The following TMBIM4 variants were observed in gnomAD, a reference collection of about 807,000 sequenced individuals.
TMBIM4 encodes the protein protein lifeguard 4.
In TMBIM4, 28 loss-of-function variants were observed where a neutral mutation model predicts 27.7. The ratio of observed to expected loss-of-function variants is 1.01; its 90% CI spans 0.75 to 1.38. TMBIM4 has a LOEUF of 1.38. TMBIM4 is among the 40% of genes most tolerant of loss of function. TMBIM4 has a pLI of 0.00. For synonymous variants in TMBIM4, 115 were observed against 113.1 expected (o/e 1.02, Z -0.11); for missense variants, 265 against 277.5 (o/e 0.95, Z 0.32).
intron 1 of TMBIM4, among the ~76,000 whole-genome samples, chr12:66,156,442 CT>C (rs1320834465): frequency 1.3e-5 from 2 of 152,186 alleles, no homozygotes; most frequent in Non-Finnish European, 2.9e-5. Flanking sequence ...GTATCTGCCT[CT>C]TTTGGTCTCC....
At chr12:66,147,200 C>A (rs1592539319) in intron 4 of TMBIM4, among the ~76,000 whole-genome samples, 1 of 151,682 alleles carries the variant, frequency 6.6e-6, no homozygotes, top group Admixed American at 6.6e-5. Context: ...ACAAAACTGG[C>A]ATAGAAAGGT....
chr12:66,146,052 T>C, intron 4 of TMBIM4, 94 bp from the exon 5 acceptor site: 1 of 614,678 alleles, frequency 1.6e-6, no homozygotes, highest in Non-Finnish European at 2.9e-6. Flanking sequence ...CATTTTCTCC[T>C]GTACTTTATG....
intron 5 of TMBIM4, among the ~76,000 whole-genome samples, chr12:66,142,576 T>C (rs946971600): frequency 6.6e-6 from 1 of 151,886 alleles, no homozygotes; most frequent in African/African-American, 2.4e-5. Context: ...CAGTGGGTTG[T>C]GTTACAAGAG....
In TMBIM4 at chr12:66,153,448, G is replaced by C. The variant is rs754293050; in HGVS notation, c.98C>G (p.Ala33Gly). ...VASATVHIRMAFLRKVYSILS... is the reference protein window; with the variant it reads ...VASATVHIRMGFLRKVYSILS... ...AATGCTGTAGACTTTTCTCAGAAAG[G>C]CTAAAAGAGAAAAAAAATTACATTA... Residue 33 changes from alanine (A) to glycine (G), a missense_variant and splice_region_variant, in exon 2 of 7, where the codon GCC becomes GGC. By Grantham distance (60) the Ala-to-Gly change is moderately conservative. Transcript: ENST00000358230. 16 of 1,528,942 alleles carry C rather than the reference G, an allele frequency of 1.0e-5. No individual in the cohort carries two copies. The highest frequency in any genetic ancestry group is 1.4e-5 in the African/African-American group (1 of 71,268). The allele number at this position is 1,528,942 out of a possible 1,614,324, so 94.7% of individuals were successfully genotyped here. A position where few individuals can be genotyped will look rare whatever the true frequency, so the allele number is the denominator to read the frequency against.
chr12:66,157,633 GA>G (rs1592549573), intron 1 of TMBIM4, among the ~76,000 whole-genome samples: 2 of 152,194 alleles, frequency 1.3e-5, no homozygotes, highest in East Asian at 3.9e-4. Flanking sequence ...GCAGATCTGT[GA>G]GATGAAGGCT....
At chr12:66,162,070 A>T (rs1331845086) in intron 1 of TMBIM4, among the ~76,000 whole-genome samples, 1 of 133,532 alleles carries the variant, frequency 7.5e-6, no homozygotes, top group African/African-American at 2.9e-5. Context: ...CTATTCCCCA[A>T]CATCACTAAA....
intron 1 of TMBIM4, among the ~76,000 whole-genome samples, chr12:66,168,526 T>C (rs185101735): frequency 2.1e-4 from 32 of 152,340 alleles, no homozygotes; most frequent in Admixed American, 2.0e-3. Context: ...TCTCGGTATA[T>C]AGTGAACTAT....
chr12:66,147,583 G>A lies in TMBIM4; in HGVS notation c.346+325C>T, dbSNP rs190603499. Among the ~76,000 whole-genome samples, 369 of 152,312 alleles carry A rather than the reference G, an allele frequency of 2.4e-3. 2 individuals are homozygous for A. The highest frequency in any genetic ancestry group is 8.7e-3 in the African/African-American group (360 of 41,580). ...ACATATGATCAAAGTACGTGGCTCA[G>A]AACACATGTTCTCAGTTACTTGATG... On this transcript the variant is annotated intron_variant, in intron 4 of 6. Coordinates refer to ENST00000358230, the MANE Select transcript of TMBIM4 (RefSeq NM_016056.4).
rs927869561 is a variant in TMBIM4 at position 66,136,131 on chromosome 12, T to G, written c.*1829A>C. ...ATTAATACCATCAGCTGACATTAAT[T>G]AAGCACTTAGTTTAGTTTATTTATC... On this transcript the variant is annotated 3_prime_UTR_variant, in exon 7 of 7. Transcript: ENST00000358230. 1 of 148,254 alleles carries G rather than the reference T, an allele frequency of 6.7e-6. No homozygotes were observed. Among genetic ancestry groups the G allele is most frequent in the South Asian group, 2.2e-4 (1 of 4,628 alleles). The allele number at this position is 148,254 out of a possible 1,614,324, so 9.2% of individuals were successfully genotyped here.
intron 2 of TMBIM4, among the ~76,000 whole-genome samples, chr12:66,152,908 T>TTAA (rs1419614395): frequency 6.6e-6 from 1 of 151,896 alleles, no homozygotes; most frequent in Non-Finnish European, 1.5e-5. Flanking sequence ...TCATCCCTGA[T>TTAA]TAAAGATCAG....
At position 66,137,659 on chromosome 12, in the gene TMBIM4, G is replaced by A. The variant is rs1310720404; in HGVS notation, c.*301C>T. The A allele has an allele frequency of 3.5e-6, 1 of 289,376 alleles. No homozygotes were observed. The highest frequency in any genetic ancestry group is 6.7e-6 in the Non-Finnish European group (1 of 149,816). 17.9% of individuals were successfully genotyped at this position (289,376 alleles called of 1,614,324 possible). A position where few individuals can be genotyped will look rare whatever the true frequency, so the allele number is the denominator to read the frequency against. ...TCCACCTGCCTCGGTCTCCCAAAGTGGTGGGATTACAGGCGTGAGCCACTG... is the reference window on the plus strand; with the variant it reads ...TCCACCTGCCTCGGTCTCCCAAAGTAGTGGGATTACAGGCGTGAGCCACTG... On this transcript the variant is annotated 3_prime_UTR_variant, in exon 7 of 7. Coordinates refer to ENST00000358230, the MANE Select transcript of TMBIM4 (RefSeq NM_016056.4).
At chr12:66,141,276 T>C (rs2051664141) in intron 5 of TMBIM4, among the ~76,000 whole-genome samples, 1 of 152,114 alleles carries the variant, frequency 6.6e-6, no homozygotes, top group Admixed American at 6.5e-5. Flanking sequence ...AATAATGTAT[T>C]ATGGAGTTTA....
chr12:66,161,937 T>G (rs1592554384), intron 1 of TMBIM4, among the ~76,000 whole-genome samples: 2 of 152,300 alleles, frequency 1.3e-5, no homozygotes, highest in South Asian at 4.1e-4. Flanking sequence ...ACTATGCCTC[T>G]TTTACGGATA....
intron 3 of TMBIM4, among the ~76,000 whole-genome samples, chr12:66,149,484 G>T (rs531003830): frequency 3.8e-4 from 56 of 147,556 alleles, no homozygotes; most frequent in African/African-American, 9.4e-4. Context: ...AAATTTTTTT[G>T]GGGGGGGCAG....
In TMBIM4 at chr12:66,152,316, T is replaced by A. The variant is rs1447126173; in HGVS notation, c.267A>T (p.Leu89Phe). 1.7e-5 allele frequency: 27 copies of A among 1,610,398 alleles called. No individual in the cohort carries two copies. The highest frequency in any genetic ancestry group is 2.1e-5 in the Non-Finnish European group (25 of 1,177,862). The change falls in exon 3 of 7, where the codon TTA (leucine) becomes TTT (phenylalanine). Residue 89 changes from leucine to phenylalanine, a missense_variant. Leu to Phe is a conservative substitution (Grantham distance 22, BLOSUM62 0). Coordinates refer to ENST00000358230, the MANE Select transcript of TMBIM4 (RefSeq NM_016056.4). ...GSLGLIFALI[L>F]NRHKYPLNLY... is the part of the protein sequence containing the mutation. Reference sequence around the variant, plus strand: ...GGTTAAGGGGATACTTATGTCTGTTTAAAATCAACGCAAAAATCAAACCCA... The same window carrying A: ...GGTTAAGGGGATACTTATGTCTGTTAAAAATCAACGCAAAAATCAAACCCA...
chr12:66,138,147 A>T lies in TMBIM4; in HGVS notation c.530T>A (p.Ile177Lys). 1 of 1,611,814 alleles carries T rather than the reference A, an allele frequency of 6.2e-7. No homozygotes were observed. Among genetic ancestry groups the T allele is most frequent in the Non-Finnish European group, 8.5e-7 (1 of 1,179,408 alleles). The change falls in exon 7 of 7, where the codon ATA (isoleucine) becomes AAA (lysine). Residue 177 changes from isoleucine (I) to lysine (K), a missense_variant. Coordinates refer to ENST00000358230, the MANE Select transcript of TMBIM4 (RefSeq NM_016056.4). ...TGCAGCGGCTAAGACCAACTCCATT[A>T]TCTCACTATAAAAAAAAAACTATAG... is the stretch of plus-strand genomic sequence containing the variant. ...GFLKFFFYSE[I>K]MELVLAAAGA...
At chr12:66,157,517 G>A (rs746528923) in intron 1 of TMBIM4, among the ~76,000 whole-genome samples, 30 of 152,148 alleles carry the variant, frequency 2.0e-4, no homozygotes, top group Non-Finnish European at 4.1e-4. Flanking sequence ...GGTAATTTGT[G>A]ACACAAACAG....
intron 1 of TMBIM4, chr12:66,169,451 G>T (rs2052195623): frequency 3.9e-6 from 2 of 510,680 alleles, no homozygotes; most frequent in Admixed American, 8.0e-5. Flanking sequence ...AAAAACATCA[G>T]GCCGTGGATT....
At chr12:66,142,614 CT>C (rs1367891281) in intron 5 of TMBIM4, among the ~76,000 whole-genome samples, 3 of 151,858 alleles carry the variant, frequency 2.0e-5, no homozygotes, top group Non-Finnish European at 4.4e-5. Context: ...GGAAGCAAGT[CT>C]TTTTTATAAT....
Sources: gnomAD v4.1 joint callset for allele counts (sites outside exome capture counted in the v4.1 genomes callset) on GRCh38, gnomAD v4.1.1 for gene constraint, MANE v1.5 for transcripts, NCBI Gene and HGNC (gene_info 2026-07-23, HGNC 2026-07-21) for gene names.